CCDC178: variants seen among roughly 807,000 people sequenced by gnomAD.
The protein encoded by CCDC178 is coiled-coil domain containing 178, also known as coiled-coil domain-containing protein 178.
CCDC178 carries 126 observed loss-of-function variants against 117.4 expected under a neutral mutation model. The observed-to-expected ratio is 1.07, with a 90% CI of 0.93 to 1.24. The LOEUF is 1.24. CCDC178 is among the 50% of genes most tolerant of loss of function. The probability of loss-of-function intolerance (pLI) is 0.00; values close to 1 mark genes in which losing one functional copy is unlikely to be tolerated. For synonymous variants in CCDC178, 283 were observed against 313.4 expected (o/e 0.90, Z 1.02); for missense variants, 1,030 against 986.9 (o/e 1.04, Z -0.59).
At chr18:33,357,553 C>T (rs954206962) in intron 6 of CCDC178, among the ~76,000 whole-genome samples, 4 of 152,038 alleles carry the variant, frequency 2.6e-5, no homozygotes, top group Admixed American at 6.6e-5. Context: ...GTGGTGAATA[C>T]AAAATTATAC....
At chr18:33,231,166 CAT>C (rs1457829416) in intron 15 of CCDC178, among the ~76,000 whole-genome samples, 6 of 152,266 alleles carry the variant, frequency 3.9e-5, no homozygotes, top group Middle Eastern at 3.4e-3. Context: ...ATGAGACAAA[CAT>C]AGACCATGTG....
At chr18:33,154,644 C>A (rs1336611137) in intron 20 of CCDC178, among the ~76,000 whole-genome samples, 1 of 151,882 alleles carries the variant, frequency 6.6e-6, no homozygotes, top group Non-Finnish European at 1.5e-5. Flanking sequence ...CTGCATGTCA[C>A]CTATATGAGA....
At chr18:32,958,413 A>G (rs2144651471) in intron 22 of CCDC178, among the ~76,000 whole-genome samples, 1 of 152,330 alleles carries the variant, frequency 6.6e-6, no homozygotes, top group Non-Finnish European at 1.5e-5. Flanking sequence ...AAATAAGATA[A>G]TCTGCTTTGT....
intron 21 of CCDC178, among the ~76,000 whole-genome samples, chr18:32,979,055 A>G (rs898944597): frequency 1.5e-4 from 23 of 151,776 alleles, no homozygotes; most frequent in African/African-American, 4.3e-4. Context: ...AAAAGAGAGA[A>G]AAAAAAAGTC....
intron 21 of CCDC178, among the ~76,000 whole-genome samples, chr18:33,027,136 T>TG (rs1387328454): frequency 6.6e-6 from 1 of 151,728 alleles, no homozygotes. Flanking sequence ...CTAGCTTTGT[T>TG]GGGGGAAGTG....
chr18:33,247,946 A>C (rs1346847398), intron 14 of CCDC178, among the ~76,000 whole-genome samples: 2 of 151,870 alleles, frequency 1.3e-5, no homozygotes, highest in African/African-American at 2.4e-5. Context: ...ACTCCCTATG[A>C]AGATTAGTTT....
chr18:33,111,102 T>G (rs1205842339), intron 20 of CCDC178, among the ~76,000 whole-genome samples: 1 of 151,590 alleles, frequency 6.6e-6, no homozygotes, highest in Non-Finnish European at 1.5e-5. Flanking sequence ...GACTTGTACA[T>G]CTTTTGTTAA....
chr18:33,122,549 C>G (rs963710429), intron 20 of CCDC178, among the ~76,000 whole-genome samples: 8 of 152,068 alleles, frequency 5.3e-5, no homozygotes, highest in African/African-American at 9.7e-5. Flanking sequence ...CATACTCCCA[C>G]CACTTAGAGA....
At chr18:33,032,956 T>C (rs1029477182) in intron 21 of CCDC178, among the ~76,000 whole-genome samples, 4 of 152,090 alleles carry the variant, frequency 2.6e-5, no homozygotes, top group African/African-American at 9.7e-5. Flanking sequence ...CATATTGACC[T>C]TCCTATCATT....
At chr18:33,278,313 A>G (rs1053175375) in intron 12 of CCDC178, among the ~76,000 whole-genome samples, 1 of 142,940 alleles carries the variant, frequency 7.0e-6, no homozygotes, top group Non-Finnish European at 1.5e-5. Flanking sequence ...ATATATATAT[A>G]TATTTACTTC....
At chr18:33,095,807 C>A (rs1567985601) in intron 20 of CCDC178, among the ~76,000 whole-genome samples, 2 of 151,676 alleles carry the variant, frequency 1.3e-5, no homozygotes, top group East Asian at 3.9e-4. Context: ...TGTATATATA[C>A]TCTTTTAAGT....
At chr18:33,258,656 T>C (rs1379163773) in intron 14 of CCDC178, among the ~76,000 whole-genome samples, 1 of 152,188 alleles carries the variant, frequency 6.6e-6, no homozygotes, top group Non-Finnish European at 1.5e-5. Context: ...TCAAACAGTG[T>C]CAGACACAAA....
chr18:33,036,790 G>A (rs2056453416), intron 21 of CCDC178, among the ~76,000 whole-genome samples: 1 of 151,890 alleles, frequency 6.6e-6, no homozygotes, highest in African/African-American at 2.4e-5. Context: ...GCTGTGAGGA[G>A]GGAGGTTTTG....
intron 22 of CCDC178, among the ~76,000 whole-genome samples, chr18:32,940,955 C>A (rs887102236): frequency 2.0e-5 from 3 of 151,900 alleles, no homozygotes; most frequent in African/African-American, 7.3e-5. Context: ...GGTAGAGCTC[C>A]TCAGCAGTGT....
chr18:33,214,673 A>G (rs1362081847), intron 19 of CCDC178, among the ~76,000 whole-genome samples: 2 of 152,076 alleles, frequency 1.3e-5, no homozygotes, highest in African/African-American at 4.8e-5. Flanking sequence ...TAATATAGTG[A>G]ATATGAGTAG....
At chr18:33,296,505 C>T (rs1367508512) in intron 11 of CCDC178, among the ~76,000 whole-genome samples, 2 of 152,114 alleles carry the variant, frequency 1.3e-5, no homozygotes, top group African/African-American at 2.4e-5. Flanking sequence ...ATACAAGATA[C>T]TCCCATTGGA....
intron 11 of CCDC178, among the ~76,000 whole-genome samples, chr18:33,307,410 C>G (rs1258884413): frequency 6.6e-6 from 1 of 152,132 alleles, no homozygotes; most frequent in African/African-American, 2.4e-5. Context: ...CCATAGAGAT[C>G]TGTGGAACTT....
chr18:33,123,797 G>A (rs1397099148), intron 20 of CCDC178, among the ~76,000 whole-genome samples: 1 of 152,080 alleles, frequency 6.6e-6, no homozygotes, highest in East Asian at 1.9e-4. Context: ...AGACCACAAA[G>A]GGTTTCATAA....
chr18:33,337,272 C>G (rs1368282566), intron 9 of CCDC178, among the ~76,000 whole-genome samples: 4 of 151,770 alleles, frequency 2.6e-5, no homozygotes. Context: ...TGAAACTCTG[C>G]TGAATTAATT....
Sources: allele counts gnomAD v4.1 joint callset (sites outside exome capture counted in the v4.1 genomes callset), GRCh38; gene constraint gnomAD v4.1.1; transcripts MANE v1.5; gene names NCBI Gene and HGNC (gene_info 2026-07-23, HGNC 2026-07-21).